Variants in ALDH7A1 observed in about 807,000 individuals in gnomAD.
ALDH7A1 encodes the protein alpha-aminoadipic semialdehyde dehydrogenase.
A neutral mutation model predicts 79.9 loss-of-function variants in ALDH7A1; 63 were observed. The ratio of observed to expected loss-of-function variants is 0.79; its 90% confidence interval spans 0.64 to 0.97. ALDH7A1 has a LOEUF of 0.97. Ranked by LOEUF, ALDH7A1 falls within the 50% of genes least tolerant of loss-of-function variation. ALDH7A1 has a pLI of 0.00. For missense variants in ALDH7A1, 627 were observed against 665.2 expected (o/e 0.94, Z 0.63); for synonymous variants, 240 against 231.2 (o/e 1.04, Z -0.34).
chr5:126,577,014 T>C (rs760076588), intron 6 of ALDH7A1, 65 bp downstream of exon 6: 16 of 1,603,824 alleles, frequency 1.0e-5, no homozygotes, highest in Non-Finnish European at 1.4e-5. Flanking sequence ...GAGGCTGAGG[T>C]AGTAGTATCT....
intron 11 of ALDH7A1, among the ~76,000 whole-genome samples, chr5:126,557,557 G>T (rs1341386882): frequency 6.6e-6 from 1 of 151,002 alleles, no homozygotes; most frequent in East Asian, 1.9e-4. Context: ...TTGCACTCCA[G>T]CCTGGCCAAC....
intron 9 of ALDH7A1, chr5:126,567,971 G>T (rs1232458561): frequency 2.8e-6 from 1 of 358,264 alleles, no homozygotes; most frequent in Admixed American, 3.8e-5. Flanking sequence ...TTTTAGTAGA[G>T]ATGGGGTTTC....
At chr5:126,577,018 A>G in intron 6 of ALDH7A1, 61 bp downstream of exon 6, 1 of 1,607,520 alleles carries the variant, frequency 6.2e-7, no homozygotes, top group Non-Finnish European at 8.5e-7. Flanking sequence ...CTGAGGTAGT[A>G]GTATCTAGAA....
At chr5:126,559,373 C>T (rs756890726) in intron 10 of ALDH7A1, 39 bp from the exon 11 acceptor site, 1 of 1,467,964 alleles carries the variant, frequency 6.8e-7, no homozygotes, top group Non-Finnish European at 9.5e-7. Flanking sequence ...CGAACCAAAA[C>T]AGGTAGACAA....
At chr5:126,574,121 AGGCTG>A (rs1750881153) in intron 7 of ALDH7A1, among the ~76,000 whole-genome samples, 1 of 151,658 alleles carries the variant, frequency 6.6e-6, no homozygotes, top group Non-Finnish European at 1.5e-5. Context: ...ATAATCTTCT[AGGCTG>A]GGCACAGTGG....
At chr5:126,573,015 T>C (rs1750828300) in intron 7 of ALDH7A1, among the ~76,000 whole-genome samples, 1 of 151,394 alleles carries the variant, frequency 6.6e-6, no homozygotes, top group Non-Finnish European at 1.5e-5. Context: ...ATTTTACTTA[T>C]CTTCTATTAC....
Position 126,550,110 on chromosome 5 carries a change from C to A in ALDH7A1, c.1415+86G>T, listed in dbSNP as rs562958031. 4 of 1,543,688 alleles carry A rather than the reference C, an allele frequency of 2.6e-6. No individual in the cohort carries two copies. In the Admixed American group the frequency reaches 5.1e-5, roughly 20 times the overall value. On this transcript the variant is annotated intron_variant, in intron 15 of 17. Transcript: ENST00000409134. Reference sequence around the variant, plus strand: ...CTCAAAGGCTTTCAATACTGAAAAACTGATTTTAGACTACAGCAGTTTTTT... The same window carrying A: ...CTCAAAGGCTTTCAATACTGAAAAAATGATTTTAGACTACAGCAGTTTTTT...
At chr5:126,561,572 T>C (rs1361955409) in intron 9 of ALDH7A1, 2 of 152,672 alleles carry the variant, frequency 1.3e-5, no homozygotes, top group Admixed American at 1.3e-4. Flanking sequence ...AGAAATCAAA[T>C]GGGGCAAAAT....
rs192673749 is a variant in ALDH7A1 at position 126,546,414 on chromosome 5, A to C, written c.1490-15T>G. ...CTTTTCTCCTCCTAGAGAAATAAAA[A>C]ATAATATCATATCTTCTGAGCAGTT... On this transcript the variant is annotated splice_polypyrimidine_tract_variant and intron_variant, in intron 16 of 17. Coordinates refer to ENST00000409134, the MANE Select transcript of ALDH7A1 (RefSeq NM_001182.5). 3.7e-6 allele frequency: 6 copies of C among 1,612,762 alleles called. No homozygotes were observed. The Admixed American group carries it at 8.3e-5, about 22-fold the overall frequency.
chr5:126,586,581 A>C (rs527680344), intron 3 of ALDH7A1: 2 of 152,332 alleles, frequency 1.3e-5, no homozygotes, highest in African/African-American at 4.8e-5. Flanking sequence ...AGAAACAGGC[A>C]ATTACAATCT....
intron 13 of ALDH7A1, 123 bp from the exon 14 acceptor site, chr5:126,552,260 A>C: frequency 1.4e-6 from 1 of 698,654 alleles, no homozygotes; most frequent in Non-Finnish European, 2.5e-6. Flanking sequence ...TAGGTGAATT[A>C]TTTCTCCAAA....
chr5:126,555,700 C>A (rs1211252559), intron 12 of ALDH7A1, among the ~76,000 whole-genome samples: 3 of 152,058 alleles, frequency 2.0e-5, no homozygotes, highest in Non-Finnish European at 4.4e-5. Flanking sequence ...GAGAAGCACA[C>A]TAAATCTCAT....
chr5:126,589,049 A>AG (rs1160135147), intron 3 of ALDH7A1: 1 of 152,180 alleles, frequency 6.6e-6, no homozygotes, highest in African/African-American at 2.4e-5. Flanking sequence ...TAAAAAAAAA[A>AG]AAGAAGAAAA....
chr5:126,544,812 T>C lies in ALDH7A1; in HGVS notation c.*153A>G. 1.5e-6 allele frequency: 1 copy of C among 658,540 alleles called. No individual in the cohort carries two copies. The highest frequency in any genetic ancestry group is 2.7e-6 in the Non-Finnish European group (1 of 371,832). The allele number at this position is 658,540 out of a possible 1,614,324, so 40.8% of individuals were successfully genotyped here. A position where few individuals can be genotyped will look rare whatever the true frequency, so the allele number is the denominator to read the frequency against. ...TTTTGATTTTTAAAAAAGGAATCTC[T>C]TGATTTAATCAGGGCTTTGGGGTCA... On this transcript the variant is annotated 3_prime_UTR_variant, in exon 18 of 18. Transcript: ENST00000409134.
chr5:126,578,677 CA>C (rs1751067019), intron 5 of ALDH7A1, among the ~76,000 whole-genome samples: 2 of 147,104 alleles, frequency 1.4e-5, no homozygotes, highest in African/African-American at 5.0e-5. Context: ...AAAGAAAAAA[CA>C]AACAAAAATA....
chr5:126,594,235 A>T (rs894806363), intron 1 of ALDH7A1: 2 of 471,142 alleles, frequency 4.2e-6, no homozygotes, highest in Non-Finnish European at 8.8e-6. Context: ...AACGTACAAC[A>T]TGGCAAGATT....
rs754312564 is a variant in ALDH7A1 at position 126,545,011 on chromosome 5, T to C, written c.1574A>G (p.Asn525Ser). The change falls in exon 18 of 18, where the codon AAC (asparagine) becomes AGC (serine). Residue 525 changes from asparagine to serine, a missense_variant. Asn to Ser is a conservative substitution (Grantham distance 46). Transcript: ENST00000409134. ...GGCCAGAGGAAGGTCTTTACTGTAG[T>C]TGATAGTACTAGTGGGAAAAAATAA... ...QYMRRSTCTI[N>S]YSKDLPLAQG... The C allele has an allele frequency of 2.5e-6, 4 of 1,608,306 alleles. No individual in the cohort carries two copies. The highest frequency in any genetic ancestry group is 3.4e-6 in the Non-Finnish European group (4 of 1,174,772).
Position 126,570,800 on chromosome 5 carries a change from C to T in ALDH7A1, c.755G>A (p.Cys252Tyr), listed in dbSNP as rs1176777819. ...KLPGAICSLT[C>Y]GGADIGTAMA... is the part of the protein sequence containing the mutation. Reference sequence around the variant, plus strand: ...AACCTACCCAATATCTGCTCCACCACAAGTCAAGGAACAAATTGCACCAGG... The same window carrying T: ...AACCTACCCAATATCTGCTCCACCATAAGTCAAGGAACAAATTGCACCAGG... The change falls in exon 8 of 18, where the codon TGT (cysteine) becomes TAT (tyrosine). Residue 252 changes from cysteine to tyrosine, a missense_variant. Physicochemically the swap from Cys to Tyr is radical, Grantham distance 194. Coordinates refer to ENST00000409134, the MANE Select transcript of ALDH7A1 (RefSeq NM_001182.5). 1.2e-6 allele frequency: 2 copies of T among 1,613,868 alleles called. No homozygotes were observed. The highest frequency in any genetic ancestry group is 1.7e-6 in the Non-Finnish European group (2 of 1,179,908).
In ALDH7A1 at chr5:126,554,411, A is replaced by C. The variant is rs758180637; in HGVS notation, c.1094-18T>G. 1.2e-6 allele frequency: 2 copies of C among 1,607,840 alleles called. No homozygotes were observed. Among genetic ancestry groups the C allele is most frequent in the Non-Finnish European group, 1.7e-6 (2 of 1,174,230 alleles). On this transcript the variant is annotated intron_variant, in intron 12 of 17. Coordinates refer to ENST00000409134, the MANE Select transcript of ALDH7A1 (RefSeq NM_001182.5). ...AACATTAGCTGGAGAGAGAAAAGGA[A>C]GGCTGGCTCATCATTTTGCCCTTTA...
Sources: allele counts gnomAD v4.1 joint callset (sites outside exome capture counted in the v4.1 genomes callset), GRCh38; gene constraint gnomAD v4.1.1; transcripts MANE v1.5; gene names NCBI Gene and HGNC (gene_info 2026-07-23, HGNC 2026-07-21).